Variants in NRXN3 observed in about 807,000 individuals in gnomAD.
The protein encoded by NRXN3 is neurexin 3, also known as neurexin III.
Under a neutral mutation model 137.6 loss-of-function variants are expected in NRXN3, and 32 were observed. That is an observed-to-expected ratio of 0.23 (90% CI 0.18 to 0.31). The LOEUF is 0.31. Among genes scored for constraint, NRXN3 ranks in the 10% least tolerant of loss-of-function variants. The probability of loss-of-function intolerance (pLI) is 1.00; values close to 1 mark genes in which losing one functional copy is unlikely to be tolerated. For synonymous variants in NRXN3, 798 were observed against 784.5 expected, an observed-to-expected ratio of 1.02 and a Z score of -0.29; for missense variants, 1,574 against 2,062.5, an observed-to-expected ratio of 0.76 and a Z score of 4.59.
intron 4 of NRXN3, among the ~76,000 whole-genome samples, chr14:78,600,170 A>T (rs1272529293): frequency 6.6e-6 from 1 of 152,112 alleles, no homozygotes; most frequent in East Asian, 1.9e-4. Context: ...CGACAGTGGA[A>T]CCACTCTAGT....
chr14:78,227,706 A>G (rs1218142773), intron 1 of NRXN3, among the ~76,000 whole-genome samples: 3 of 152,186 alleles, frequency 2.0e-5, no homozygotes, highest in Non-Finnish European at 4.4e-5. Context: ...ATAGGCTTGG[A>G]AGTTCCATTC....
At chr14:78,825,642 A>G (rs2152374437) in intron 10 of NRXN3, among the ~76,000 whole-genome samples, 1 of 152,352 alleles carries the variant, frequency 6.6e-6, no homozygotes, top group African/African-American at 2.4e-5. Context: ...TGGAAACATC[A>G]GTTTTACCAG....
At chr14:78,334,291 C>T (rs577390842) in intron 4 of NRXN3, among the ~76,000 whole-genome samples, 39 of 152,282 alleles carry the variant, frequency 2.6e-4, no homozygotes, top group African/African-American at 7.5e-4. Context: ...AGCATACAGA[C>T]GGTGATTAAA....
chr14:79,370,779 A>C (rs1367013219), intron 15 of NRXN3, among the ~76,000 whole-genome samples: 4 of 152,188 alleles, frequency 2.6e-5, no homozygotes, highest in Non-Finnish European at 5.9e-5. Flanking sequence ...CAATAAAAAC[A>C]TTTCCCACAA....
intron 4 of NRXN3, among the ~76,000 whole-genome samples, chr14:78,325,346 GA>G (rs1232806037): frequency 1.3e-5 from 2 of 151,976 alleles, no homozygotes; most frequent in African/African-American, 4.8e-5. Context: ...GTCAGAGGCA[GA>G]AGTACTCTGC....
intron 15 of NRXN3, among the ~76,000 whole-genome samples, chr14:79,159,262 A>G (rs747813888): frequency 1.3e-5 from 2 of 151,818 alleles, no homozygotes; most frequent in Non-Finnish European, 2.9e-5. Flanking sequence ...TTAGAATCAT[A>G]GTGATGAAGC....
chr14:79,802,044 G>GA (rs766291290), intron 19 of NRXN3, among the ~76,000 whole-genome samples: 5,653 of 124,172 alleles, frequency 0.046, 158 homozygotes, highest in African/African-American at 0.1. Flanking sequence ...TCCTTTTTCT[G>GA]AAAAAAAAAA....
At chr14:78,645,060 G>A (rs894495907) in intron 4 of NRXN3, 60 bp from the exon 5 acceptor site, 10 of 1,424,528 alleles carry the variant, frequency 7.0e-6, no homozygotes, top group Non-Finnish European at 9.4e-6. Flanking sequence ...TTTGGTATTT[G>A]CATAGGTCTG....
intron 19 of NRXN3, among the ~76,000 whole-genome samples, chr14:79,711,995 G>C (rs1764910312): frequency 6.6e-6 from 1 of 152,090 alleles, no homozygotes; most frequent in East Asian, 1.9e-4. Flanking sequence ...CCCAGACTCT[G>C]ATGTCACTCT....
At chr14:79,664,583 G>C (rs2098549302) in intron 17 of NRXN3, among the ~76,000 whole-genome samples, 1 of 152,112 alleles carries the variant, frequency 6.6e-6, no homozygotes, top group Non-Finnish European at 1.5e-5. Flanking sequence ...TTAATCATCT[G>C]TTTAAATTTT....
chr14:79,401,296 T>G (rs2095186794), intron 15 of NRXN3, among the ~76,000 whole-genome samples: 1 of 152,226 alleles, frequency 6.6e-6, no homozygotes, highest in African/African-American at 2.4e-5. Flanking sequence ...CTCTAGTCCC[T>G]GGAAGCAGTT....
intron 8 of NRXN3, among the ~76,000 whole-genome samples, chr14:78,774,657 C>G (rs1014949122): frequency 2.0e-5 from 3 of 152,236 alleles, no homozygotes; most frequent in South Asian, 2.1e-4. Flanking sequence ...GTGCCTTGCC[C>G]CTATAATCCC....
chr14:78,531,320 T>C (rs960054645), intron 4 of NRXN3, among the ~76,000 whole-genome samples: 1 of 152,184 alleles, frequency 6.6e-6, no homozygotes, highest in African/African-American at 2.4e-5. Context: ...CTTCCTACAC[T>C]TACTTCATGT....
At chr14:78,527,171 C>A (rs2096392230) in intron 4 of NRXN3, among the ~76,000 whole-genome samples, 1 of 152,140 alleles carries the variant, frequency 6.6e-6, no homozygotes, top group African/African-American at 2.4e-5. Context: ...TCTCACACTG[C>A]TACAAATAAA....
At position 79,862,086 on chromosome 14, in the gene NRXN3, C is replaced by G; in HGVS notation, c.*122C>G. ...GGAACTATGAAATGGGGTATATAAC[C>G]ACGACTCTGGTGGGGAAAACCGTTT... On this transcript the variant is annotated 3_prime_UTR_variant, in exon 21 of 21. Transcript: ENST00000335750. 1 of 823,820 alleles carries G rather than the reference C, an allele frequency of 1.2e-6. No homozygotes were observed. The highest frequency in any genetic ancestry group is 2.7e-5 in the East Asian group (1 of 37,296). The allele number at this position is 823,820 out of a possible 1,614,324, so 51.0% of individuals were successfully genotyped here. A position where few individuals can be genotyped will look rare whatever the true frequency, so the allele number is the denominator to read the frequency against.
At chr14:79,805,048 T>C (rs911688340) in intron 19 of NRXN3, 64 bp from the exon 20 acceptor site, 82 of 1,145,322 alleles carry the variant, frequency 7.2e-5, no homozygotes, top group Non-Finnish European at 1.0e-4. Flanking sequence ...TGTTCATTAG[T>C]TTCCTTATCT....
intron 4 of NRXN3, among the ~76,000 whole-genome samples, chr14:78,480,103 G>A (rs966363572): frequency 7.2e-5 from 11 of 152,144 alleles, no homozygotes; most frequent in Admixed American, 4.6e-4. Context: ...ATCACGCCAT[G>A]GCACTCCAGC....
At chr14:78,578,152 T>A (rs1415142743) in intron 4 of NRXN3, among the ~76,000 whole-genome samples, 1 of 152,186 alleles carries the variant, frequency 6.6e-6, no homozygotes, top group Non-Finnish European at 1.5e-5. Flanking sequence ...ATCTTTTAAA[T>A]CACATTAAGG....
rs145522145 is a variant in NRXN3, at chr14:78,843,529, C to T, written c.2275+33185C>T. ...AGAAAGAATCTTAAAATCTTTTAGG[C>T]GAAATTCACCCTCACTTGTACAGAC... On this transcript the variant is annotated intron_variant, in intron 10 of 20. Transcript: ENST00000335750. 2.0e-3 allele frequency among the ~76,000 whole-genome samples: 308 copies of T among 152,114 alleles called. 2 individuals are homozygous for T. Among genetic ancestry groups the T allele is most frequent in the African/African-American group, 7.2e-3 (298 of 41,490 alleles).
Sources: gnomAD v4.1 joint callset for allele counts (sites outside exome capture counted in the v4.1 genomes callset) on GRCh38, gnomAD v4.1.1 for gene constraint, MANE v1.5 for transcripts, NCBI Gene and HGNC (gene_info 2026-07-23, HGNC 2026-07-21) for gene names.